The following ARHGAP5 variants were observed in gnomAD, a reference collection of about 807,000 sequenced individuals.
ARHGAP5 encodes Rho GTPase activating protein 5, also known as rho GTPase-activating protein 5.
Under a neutral mutation model 116.6 loss-of-function variants are expected in ARHGAP5, and 23 were observed. The ratio of observed to expected loss-of-function variants is 0.20; its 90% CI spans 0.14 to 0.28. The LOEUF is 0.28. ARHGAP5 is among the 10% of genes least tolerant of loss of function. ARHGAP5 has a pLI of 1.00. For missense variants in ARHGAP5, 1,405 were observed against 1,774.8 expected (o/e 0.79, Z 3.74); for synonymous variants, 574 against 602.0 (o/e 0.95, Z 0.68).
chr14:32,119,544 A>G (rs1566672849), intron 3 of ARHGAP5, among the ~76,000 whole-genome samples: 1 of 152,044 alleles, frequency 6.6e-6, no homozygotes, highest in Non-Finnish European at 1.5e-5. Flanking sequence ...ATAGTCATGT[A>G]ACTGCCACCA....
At chr14:32,082,807 T>G (rs146434745) in intron 1 of ARHGAP5, among the ~76,000 whole-genome samples, 8 of 152,368 alleles carry the variant, frequency 5.3e-5, no homozygotes, top group African/African-American at 1.2e-4. Flanking sequence ...CTCAAAGTGT[T>G]GAGATTACAG....
At chr14:32,122,572 AAG>A (rs887205875) in intron 3 of ARHGAP5, among the ~76,000 whole-genome samples, 7 of 152,162 alleles carry the variant, frequency 4.6e-5, no homozygotes, top group Admixed American at 2.0e-4. Flanking sequence ...TGTCATGTCT[AAG>A]AAGGTTTTTG....
At chr14:32,153,042 GT>G (rs1240719852) in intron 6 of ARHGAP5, among the ~76,000 whole-genome samples, 28 of 86,970 alleles carry the variant, frequency 3.2e-4, no homozygotes, top group African/African-American at 9.1e-4. Context: ...GAACTGTATG[GT>G]TTTTTTTGTT....
At chr14:32,079,652 AAGTT>A (rs1382347226) in intron 1 of ARHGAP5, among the ~76,000 whole-genome samples, 22 of 152,140 alleles carry the variant, frequency 1.4e-4, no homozygotes, top group Non-Finnish European at 4.4e-5. Flanking sequence ...ATTGAAGAAA[AAGTT>A]AGGTCTCATA....
At chr14:32,128,159 C>T (rs530371799) in intron 3 of ARHGAP5, among the ~76,000 whole-genome samples, 12 of 150,626 alleles carry the variant, frequency 8.0e-5, no homozygotes, top group South Asian at 2.1e-4. Flanking sequence ...ACTTCCTAGA[C>T]GGGATGACGG....
intron 5 of ARHGAP5, 43 bp downstream of exon 5, chr14:32,150,076 G>A: frequency 1.4e-6 from 2 of 1,474,092 alleles, no homozygotes; most frequent in South Asian, 1.4e-5. Context: ...GATAATGGCA[G>A]TTTTTGGATA....
chr14:32,142,169 T>C (rs1881157539), intron 3 of ARHGAP5, among the ~76,000 whole-genome samples: 1 of 152,188 alleles, frequency 6.6e-6, no homozygotes, highest in Non-Finnish European at 1.5e-5. Flanking sequence ...CCTTTAGTTC[T>C]TTGTTCATGG....
intron 1 of ARHGAP5, among the ~76,000 whole-genome samples, chr14:32,078,578 TTACTAG>T (rs2041738652): frequency 2.0e-5 from 3 of 152,332 alleles, no homozygotes; most frequent in African/African-American, 7.2e-5. Context: ...TTCGCTGTAT[TTACTAG>T]TACTTGCTTA....
chr14:32,093,886 C>G lies in ARHGAP5; in HGVS notation c.3217C>G (p.Gln1073Glu). Residue 1073 changes from glutamine (Q) to glutamate (E), a missense_variant, in exon 2 of 7, where the codon CAG becomes GAG. Gln to Glu is a conservative substitution (Grantham distance 29). Transcript: ENST00000345122. ...EAGIGKNPRKQTSRVPLAHPE... is the reference protein window; with the variant it reads ...EAGIGKNPRKETSRVPLAHPE... ...TGGTATTGGTAAAAATCCAAGAAAG[C>G]AGACTTCCCGGGTGCCTTTGGCACA... The G allele has an allele frequency of 6.2e-7, 1 of 1,614,076 alleles. No homozygotes were observed. Among genetic ancestry groups the G allele is most frequent in the Non-Finnish European group, 8.5e-7 (1 of 1,180,000 alleles).
intron 3 of ARHGAP5, among the ~76,000 whole-genome samples, chr14:32,141,806 C>G (rs888032656): frequency 6.6e-6 from 1 of 151,942 alleles, no homozygotes; most frequent in Non-Finnish European, 1.5e-5. Context: ...GGTTTTTTTT[C>G]TCTTTAAACA....
chr14:32,127,805 T>A (rs1332155477), intron 3 of ARHGAP5, among the ~76,000 whole-genome samples: 2 of 147,520 alleles, frequency 1.4e-5, no homozygotes, highest in South Asian at 2.2e-4. Flanking sequence ...GCCCCCCACC[T>A]CCCAGACGGG....
chr14:32,150,450 T>C (rs1302872152), intron 5 of ARHGAP5, among the ~76,000 whole-genome samples: 1 of 152,250 alleles, frequency 6.6e-6, no homozygotes, highest in African/African-American at 2.4e-5. Flanking sequence ...AGTAATTTAT[T>C]TCTTACAGTT....
At chr14:32,105,043 T>C (rs915181503) in intron 2 of ARHGAP5, among the ~76,000 whole-genome samples, 5 of 152,154 alleles carry the variant, frequency 3.3e-5, no homozygotes, top group Admixed American at 1.3e-4. Context: ...TCACAGGCCA[T>C]CTTCCACAAC....
intron 4 of ARHGAP5, among the ~76,000 whole-genome samples, chr14:32,148,800 A>T (rs529236596): frequency 2.0e-4 from 31 of 151,940 alleles, no homozygotes; most frequent in Admixed American, 9.2e-4. Context: ...TGATGGGGAA[A>T]TTTTTTTTCT....
chr14:32,117,017 G>T, intron 2 of ARHGAP5, 123 bp from the exon 3 acceptor site: 1 of 648,624 alleles, frequency 1.5e-6, no homozygotes, highest in Non-Finnish European at 2.4e-6. Flanking sequence ...CATATTGGTG[G>T]ACATTTAGGT....
At chr14:32,143,230 G>GTTATTATTA (rs1410461691) in intron 3 of ARHGAP5, among the ~76,000 whole-genome samples, 1,584 of 149,598 alleles carry the variant, frequency 0.011, 29 homozygotes, top group African/African-American at 0.037. Context: ...TGTTGTTGTT[G>GTTATTATTA]TTGTTGTTGT....
At chr14:32,101,719 C>T (rs1371043582) in intron 2 of ARHGAP5, among the ~76,000 whole-genome samples, 2 of 151,724 alleles carry the variant, frequency 1.3e-5, no homozygotes, top group Non-Finnish European at 1.5e-5. Context: ...TGTAGTGGCT[C>T]ACACCTGTAA....
rs1878348292 is a variant in ARHGAP5, at chr14:32,093,099, T to G, written c.2430T>G (p.Ala810=). 1.2e-6 allele frequency: 2 copies of G among 1,613,856 alleles called. No homozygotes were observed. Among genetic ancestry groups the G allele is most frequent in the East Asian group, 2.2e-5 (1 of 44,896 alleles). Residue 810 remains alanine (A), a synonymous_variant, in exon 2 of 7, where the codon GCT becomes GCG. Transcript: ENST00000345122. ...CTCATTCTTGCAGTGCTGCTCAAGCTGGACAGAATAATTCCCTAATGCTTG... is the reference window on the plus strand; with the variant it reads ...CTCATTCTTGCAGTGCTGCTCAAGCGGGACAGAATAATTCCCTAATGCTTG... ...LDSHSCSAAQ[A]GQNNSLMLDK...
At chr14:32,154,148 ATTG>A (rs747417153) in intron 6 of ARHGAP5, 17 of 156,886 alleles carry the variant, frequency 1.1e-4, no homozygotes, top group East Asian at 5.6e-4. Context: ...TTTTGTTGTT[ATTG>A]TTGTTGTTTT....
Sources: allele counts gnomAD v4.1 joint callset (sites outside exome capture counted in the v4.1 genomes callset), GRCh38; gene constraint gnomAD v4.1.1; transcripts MANE v1.5; gene names NCBI Gene and HGNC (gene_info 2026-07-23, HGNC 2026-07-21).